Variants in KAZN observed in about 807,000 individuals in gnomAD.
KAZN encodes kazrin.
A neutral mutation model predicts 87.4 loss-of-function variants in KAZN; 40 were observed. The ratio of observed to expected loss-of-function variants is 0.46; its 90% CI spans 0.36 to 0.60. The LOEUF (loss-of-function observed/expected upper bound fraction) is 0.60. Among genes scored for constraint, KAZN ranks in the 20% least tolerant of loss-of-function variants. The pLI, the probability that KAZN is intolerant of heterozygous loss-of-function variation, is 0.00. For synonymous variants in KAZN, 466 were observed against 458.3 expected (o/e 1.02, Z -0.22); for missense variants, 898 against 1,073.9 (o/e 0.84, Z 2.29).
At chr1:14,932,799 T>C (rs1052457200) in intron 1 of KAZN, among the ~76,000 whole-genome samples, 3 of 152,086 alleles carry the variant, frequency 2.0e-5, no homozygotes, top group African/African-American at 7.2e-5. Context: ...TTTAATTGAA[T>C]TTTTTGTATT....
At chr1:14,342,866 T>A (rs1571344547) in intron 2 of KAZN, among the ~76,000 whole-genome samples, 1 of 152,014 alleles carries the variant, frequency 6.6e-6, no homozygotes, top group African/African-American at 2.4e-5. Flanking sequence ...TAGTGACAGG[T>A]GCAGTGGCTC....
At chr1:14,607,020 T>G (rs1677422423) in intron 1 of KAZN, among the ~76,000 whole-genome samples, 1 of 152,172 alleles carries the variant, frequency 6.6e-6, no homozygotes, top group African/African-American at 2.4e-5. Context: ...TTTTACTGTA[T>G]CCTCACCACC....
At chr1:14,376,784 G>GT (rs542752482) in intron 2 of KAZN, among the ~76,000 whole-genome samples, 7 of 152,322 alleles carry the variant, frequency 4.6e-5, no homozygotes, top group East Asian at 3.9e-4. Flanking sequence ...GAAACATATA[G>GT]TAAGTGTTCA....
chr1:13,934,139 A>C (rs1284399610), intron 1 of KAZN, among the ~76,000 whole-genome samples: 1 of 152,212 alleles, frequency 6.6e-6, no homozygotes, highest in Non-Finnish European at 1.5e-5. Flanking sequence ...TAGAAAATAT[A>C]AAAGTAACAG....
In KAZN at chr1:14,371,282, T is replaced by TG. The variant is rs1660464166; in HGVS notation, c.249+190696dup. On this transcript the variant is annotated intron_variant, in intron 2 of 16. Transcript: ENST00000636203. ...GAGCTATTGCTTTTCATGCCTCTTA[T>TG]GGGGGGCAAATGAAAACTTTCCGTC... 3.3e-5 allele frequency among the ~76,000 whole-genome samples: 5 copies of TG among 152,266 alleles called. No homozygotes were observed. In the South Asian group the frequency reaches 1.0e-3, roughly 32 times the overall value.
intron 1 of KAZN, among the ~76,000 whole-genome samples, chr1:14,831,486 C>T (rs1481723937): frequency 6.6e-6 from 1 of 152,170 alleles, no homozygotes; most frequent in African/African-American, 2.4e-5. Flanking sequence ...CGAAGTTTCC[C>T]TCTGTCACAT....
chr1:13,945,542 T>G (rs557722961), intron 1 of KAZN, among the ~76,000 whole-genome samples: 3 of 150,478 alleles, frequency 2.0e-5, no homozygotes, highest in African/African-American at 7.3e-5. Flanking sequence ...AAAAGTTCTG[T>G]GCACTTTGCT....
At chr1:14,104,695 C>T (rs1359714019) in intron 1 of KAZN, among the ~76,000 whole-genome samples, 1 of 152,232 alleles carries the variant, frequency 6.6e-6, no homozygotes, top group Non-Finnish European at 1.5e-5. Context: ...ATATCAACCT[C>T]ATGGCTATTC....
rs1405612881 is a variant in KAZN at position 14,972,048 on chromosome 1, C to T, written c.418+11173C>T. Among the ~76,000 whole-genome samples the T allele has an allele frequency of 2.6e-5, 4 of 152,176 alleles. No individual in the cohort carries two copies. In the East Asian group the frequency reaches 7.7e-4, roughly 29 times the overall value. On this transcript the variant is annotated intron_variant, in intron 2 of 14. Transcript: ENST00000376030. ...TGATCCTCAGCTTTTAATTAATCCACCCCTCCCTGGCCCCTTCCCAGGAAA... is the reference window on the plus strand; with the variant it reads ...TGATCCTCAGCTTTTAATTAATCCATCCCTCCCTGGCCCCTTCCCAGGAAA...
chr1:14,704,402 A>G (rs1401675207), intron 1 of KAZN, among the ~76,000 whole-genome samples: 3 of 152,244 alleles, frequency 2.0e-5, no homozygotes, highest in African/African-American at 7.2e-5. Flanking sequence ...CATTGGTGTC[A>G]CCAAAACCCA....
rs550877864 is a variant in KAZN, at chr1:14,607,298, A to G, written c.226+8075A>G. Among the ~76,000 whole-genome samples, 148 of 152,320 alleles carry G rather than the reference A, an allele frequency of 9.7e-4. 7 individuals are homozygous for G. The South Asian group carries it at 0.029, about 30-fold the overall frequency. ...AGGTAAGTACAGTGTTTGTCATTTT[A>G]CAGATGAGAAAGTTGAGGCACACAA... is the stretch of plus-strand genomic sequence containing the variant. On this transcript the variant is annotated intron_variant, in intron 1 of 14. Coordinates refer to ENST00000376030, the MANE Select transcript of KAZN (RefSeq NM_201628.3).
rs963975644 is a variant in KAZN, at chr1:14,382,387, A to G, written c.249+201795A>G. Among the ~76,000 whole-genome samples the G allele has an allele frequency of 5.3e-5, 8 of 151,190 alleles. No homozygotes were observed. In the East Asian group the frequency reaches 1.4e-3, roughly 26 times the overall value. ...CAATGTGCAGGTTACTTACATATGT[A>G]TACATGTACCATGCTGGTGCGCTGC... On this transcript the variant is annotated intron_variant, in intron 2 of 16. Coordinates refer to the KAZN transcript ENST00000636203.
chr1:14,884,032 A>G (rs1032304398), intron 1 of KAZN, among the ~76,000 whole-genome samples: 2 of 152,282 alleles, frequency 1.3e-5, no homozygotes, highest in African/African-American at 4.8e-5. Context: ...TATTTTCCCC[A>G]TTTCACAGAT....
chr1:14,752,448 A>G (rs1434132228), intron 1 of KAZN, among the ~76,000 whole-genome samples: 2 of 152,226 alleles, frequency 1.3e-5, no homozygotes, highest in Non-Finnish European at 2.9e-5. Flanking sequence ...AGACTGGGCA[A>G]TTTAGAAAAC....
intron 2 of KAZN, among the ~76,000 whole-genome samples, chr1:14,577,319 T>C (rs1335505694): frequency 6.6e-6 from 1 of 152,186 alleles, no homozygotes; most frequent in Non-Finnish European, 1.5e-5. Flanking sequence ...ACATAAAAGT[T>C]AAATACAAGC....
chr1:14,415,227 T>C (rs966058215), intron 2 of KAZN, among the ~76,000 whole-genome samples: 1 of 152,204 alleles, frequency 6.6e-6, no homozygotes, highest in African/African-American at 2.4e-5. Context: ...TATTTCATTA[T>C]AAAATATTTT....
In KAZN at chr1:14,069,415, C is replaced by G. The variant is rs552986198; in HGVS notation, c.92-111020C>G. On this transcript the variant is annotated intron_variant, in intron 1 of 16. Coordinates refer to the KAZN transcript ENST00000636203. ...GGCCTTGTAAGCTGGATTTCATGCACTGTGCGCTGGGACTCTGAAAACTTT... is the reference window on the plus strand; with the variant it reads ...GGCCTTGTAAGCTGGATTTCATGCAGTGTGCGCTGGGACTCTGAAAACTTT... 6.6e-5 allele frequency among the ~76,000 whole-genome samples: 10 copies of G among 152,336 alleles called. No homozygotes were observed. The East Asian group carries it at 1.9e-3, about 29-fold the overall frequency.
At chr1:15,040,478 G>A (rs763518101) in intron 3 of KAZN, among the ~76,000 whole-genome samples, 1 of 152,184 alleles carries the variant, frequency 6.6e-6, no homozygotes, top group African/African-American at 2.4e-5. Flanking sequence ...CCAGAATGTG[G>A]CCGATGACCC....
chr1:14,592,123 C>A (rs1432885423), intron 2 of KAZN, among the ~76,000 whole-genome samples: 1 of 152,118 alleles, frequency 6.6e-6, no homozygotes, highest in African/African-American at 2.4e-5. Context: ...ATGTTAAAAC[C>A]CACTCAGACA....
Sources: gnomAD v4.1 joint callset for allele counts (sites outside exome capture counted in the v4.1 genomes callset) on GRCh38, gnomAD v4.1.1 for gene constraint, MANE v1.5 for transcripts, NCBI Gene and HGNC (gene_info 2026-07-23, HGNC 2026-07-21) for gene names.